ACOT12: variants seen among roughly 807,000 people sequenced by gnomAD.
ACOT12 encodes the protein acetyl-coenzyme A thioesterase.
ACOT12 carries 51 observed loss-of-function variants against 67.7 expected under a neutral mutation model. The observed-to-expected ratio is 0.75, with a 90% CI of 0.60 to 0.95. The LOEUF (loss-of-function observed/expected upper bound fraction) is 0.95. Among genes scored for constraint, ACOT12 ranks in the 40% least tolerant of loss-of-function variants. ACOT12 has a pLI of 0.00. For synonymous variants in ACOT12, 251 were observed against 244.6 expected (o/e 1.03, Z -0.24); for missense variants, 734 against 708.1 (o/e 1.04, Z -0.41).
chr5:81,320,497 CTTAA>C, the ACOT12 span, among the ~76,000 whole-genome samples: 42 of 152,260 alleles, frequency 2.8e-4, no homozygotes, highest in Non-Finnish European at 5.3e-4. Context: ...AGTTTTCAGT[CTTAA>C]TTCATACTGC....
chr5:81,380,777 T>C (rs939870997), intron 2 of ACOT12, among the ~76,000 whole-genome samples: 22 of 152,142 alleles, frequency 1.4e-4, no homozygotes, highest in Non-Finnish European at 3.1e-4. Flanking sequence ...GAATGATGAA[T>C]ATCTACTTAC....
At chr5:81,327,521 AC>A (rs1303727165), downstream of ACOT12, among the ~76,000 whole-genome samples, 1 of 152,198 alleles carries the variant, frequency 6.6e-6, no homozygotes, top group Non-Finnish European at 1.5e-5. Flanking sequence ...GCAAACTGCA[AC>A]CTTCGCCTCC....
At chr5:81,321,085 G>A in the ACOT12 span, among the ~76,000 whole-genome samples, 1 of 152,032 alleles carries the variant, frequency 6.6e-6, no homozygotes, top group South Asian at 2.1e-4. Flanking sequence ...GCAAAACCCC[G>A]TCTCTACAAA....
chr5:81,314,385 G>A, the ACOT12 span, among the ~76,000 whole-genome samples: 2 of 152,094 alleles, frequency 1.3e-5, no homozygotes, highest in Non-Finnish European at 2.9e-5. Flanking sequence ...TTACAGGCTT[G>A]AGCCACCATG....
At chr5:81,321,061 G>T in the ACOT12 span, among the ~76,000 whole-genome samples, 30 of 152,242 alleles carry the variant, frequency 2.0e-4, no homozygotes, top group African/African-American at 7.2e-4. Context: ...CTCAAGACCG[G>T]CCTGGGCAAC....
chr5:81,356,836 G>A (rs1759731534), intron 5 of ACOT12, among the ~76,000 whole-genome samples: 1 of 151,436 alleles, frequency 6.6e-6, no homozygotes, highest in African/African-American at 2.4e-5. Flanking sequence ...CCTGGTTTAG[G>A]CACCCCTCGC....
chr5:81,345,082 G>A, intron 7 of ACOT12, 41 bp from the exon 8 acceptor site: 2 of 1,609,778 alleles, frequency 1.2e-6, no homozygotes, highest in Non-Finnish European at 1.7e-6. Context: ...AGAGGATCTT[G>A]ACCCATCAGG....
At chr5:81,362,167 T>C (rs1056039649) in intron 4 of ACOT12, among the ~76,000 whole-genome samples, 20 of 148,922 alleles carry the variant, frequency 1.3e-4, no homozygotes, top group Middle Eastern at 3.5e-3. Flanking sequence ...TATATTCTTT[T>C]TTTTTTTTTT....
chr5:81,388,939 G>GCCTTCCA (rs1760798587), intron 1 of ACOT12, among the ~76,000 whole-genome samples: 1 of 152,178 alleles, frequency 6.6e-6, no homozygotes. Flanking sequence ...TATAAGAAGT[G>GCCTTCCA]CCTTCCACCT....
chr5:81,342,683 T>G lies in ACOT12; in HGVS notation c.1117A>C (p.Thr373Pro), dbSNP rs150497513. The change falls in exon 11 of 15, where the codon ACT becomes CCT. Residue 373 changes from threonine to proline, a missense_variant. Transcript: ENST00000307624. ...TGGAAGTGTCCTACCTTTTCCACAGTGCTGGTAACCTCCCAACCCCTTTTG... is the reference window on the plus strand; with the variant it reads ...TGGAAGTGTCCTACCTTTTCCACAGGGCTGGTAACCTCCCAACCCCTTTTG... ...AAKRGWEVTSTVEKIKIYTLE... is the reference protein window; with the variant it reads ...AAKRGWEVTSPVEKIKIYTLE... 1 of 1,614,160 alleles carries G rather than the reference T, an allele frequency of 6.2e-7. No homozygotes were observed. Among genetic ancestry groups the G allele is most frequent in the Non-Finnish European group, 8.5e-7 (1 of 1,180,012 alleles).
At chr5:81,343,638 T>G (rs1216760843) in intron 10 of ACOT12, among the ~76,000 whole-genome samples, 180 bp downstream of exon 10, 1 of 152,252 alleles carries the variant, frequency 6.6e-6, no homozygotes, top group Non-Finnish European at 1.5e-5. Context: ...AAGGCTAAAC[T>G]GCCGATTGGT....
At chr5:81,331,461 C>T (rs1278394996) in intron 13 of ACOT12, among the ~76,000 whole-genome samples, 2 of 152,162 alleles carry the variant, frequency 1.3e-5, no homozygotes, top group Admixed American at 6.5e-5. Flanking sequence ...CGTTTGAACC[C>T]GGGAGGCAGA....
At chr5:81,312,718 C>A in the ACOT12 span, 2 of 1,333,966 alleles carry the variant, frequency 1.5e-6, no homozygotes, top group Non-Finnish European at 2.1e-6. Flanking sequence ...AAACCAGGCC[C>A]GCTTCACGAG....
At chr5:81,309,200 G>T in the ACOT12 span, 1 of 496,614 alleles carries the variant, frequency 2.0e-6, no homozygotes, top group Non-Finnish European at 3.4e-6. Flanking sequence ...TAGGCTTTTT[G>T]TGCAATTTGA....
intron 5 of ACOT12, among the ~76,000 whole-genome samples, chr5:81,354,215 T>G (rs1357998053): frequency 6.6e-6 from 1 of 152,252 alleles, no homozygotes; most frequent in Admixed American, 6.5e-5. Context: ...AAATCTATAA[T>G]TTGAAATTGA....
At chr5:81,320,049 C>G in the ACOT12 span, among the ~76,000 whole-genome samples, 1 of 152,134 alleles carries the variant, frequency 6.6e-6, no homozygotes, top group African/African-American at 2.4e-5. Flanking sequence ...GAGAAATGGA[C>G]ATAAATTTTG....
intron 1 of ACOT12, among the ~76,000 whole-genome samples, chr5:81,391,063 A>G (rs2153860768): frequency 6.6e-6 from 1 of 152,354 alleles, no homozygotes; most frequent in Middle Eastern, 3.4e-3. Flanking sequence ...TGACCAAACC[A>G]AAACTATAAT....
intron 5 of ACOT12, among the ~76,000 whole-genome samples, chr5:81,352,972 G>A (rs1580553241): frequency 6.6e-6 from 1 of 152,046 alleles, no homozygotes; most frequent in East Asian, 1.9e-4. Context: ...TATGCGTTTT[G>A]CATTTTTTAC....
intron 11 of ACOT12, among the ~76,000 whole-genome samples, chr5:81,336,130 G>T (rs1440826491): frequency 6.6e-6 from 1 of 151,920 alleles, no homozygotes; most frequent in African/African-American, 2.4e-5. Flanking sequence ...TTGAGGGTGG[G>T]CTATTTAATT....
Sources: allele counts gnomAD v4.1 joint callset (sites outside exome capture counted in the v4.1 genomes callset), GRCh38; gene constraint gnomAD v4.1.1; transcripts MANE v1.5; gene names NCBI Gene and HGNC (gene_info 2026-07-23, HGNC 2026-07-21).